Variants in ASTN2 observed in about 807,000 individuals in gnomAD.
ASTN2 encodes astrotactin-2.
ASTN2 carries 54 observed loss-of-function variants against 139.8 expected under a neutral mutation model. The ratio of observed to expected loss-of-function variants is 0.39; its 90% CI spans 0.31 to 0.48. The LOEUF (loss-of-function observed/expected upper bound fraction) is 0.48. Ranked by LOEUF, ASTN2 falls within the 20% of genes least tolerant of loss-of-function variation. ASTN2 has a pLI of 0.95. For synonymous variants in ASTN2, 756 were observed against 719.5 expected (o/e 1.05, Z -0.81); for missense variants, 1,565 against 1,725.1 (o/e 0.91, Z 1.64).
chr9:117,379,242 C>T (rs1830202744), intron 1 of ASTN2, among the ~76,000 whole-genome samples: 1 of 152,134 alleles, frequency 6.6e-6, no homozygotes, highest in Admixed American at 6.5e-5. Context: ...TGATATGCTT[C>T]CCCACCACGA....
intron 5 of ASTN2, among the ~76,000 whole-genome samples, chr9:117,060,772 G>A (rs1220894518): frequency 6.6e-6 from 1 of 151,964 alleles, no homozygotes; most frequent in Non-Finnish European, 1.5e-5. Flanking sequence ...GCAGGCACCT[G>A]TAGTCCCAGC....
At chr9:116,506,834 A>G (rs1255102994) in intron 19 of ASTN2, among the ~76,000 whole-genome samples, 1 of 152,188 alleles carries the variant, frequency 6.6e-6, no homozygotes, top group East Asian at 1.9e-4. Flanking sequence ...CTGACTCTTC[A>G]GCTCCCTGGA....
chr9:116,465,277 C>T (rs990341980), intron 20 of ASTN2, among the ~76,000 whole-genome samples: 6 of 152,162 alleles, frequency 3.9e-5, no homozygotes, highest in Non-Finnish European at 8.8e-5. Context: ...AGCCACCAAC[C>T]GGCTCCCTTT....
chr9:116,731,395 C>T (rs1828780289), intron 14 of ASTN2, among the ~76,000 whole-genome samples: 2 of 151,560 alleles, frequency 1.3e-5, no homozygotes, highest in Admixed American at 1.3e-4. Flanking sequence ...ATTATCATAC[C>T]CTATTTTTTT....
At chr9:117,121,345 C>T (rs1829553319) in intron 4 of ASTN2, among the ~76,000 whole-genome samples, 1 of 152,212 alleles carries the variant, frequency 6.6e-6, no homozygotes, top group African/African-American at 2.4e-5. Flanking sequence ...CGGGGGTTCA[C>T]TACATCAGTG....
At chr9:117,089,774 T>C (rs749136240) in intron 5 of ASTN2, among the ~76,000 whole-genome samples, 3 of 149,552 alleles carry the variant, frequency 2.0e-5, no homozygotes, top group Admixed American at 2.0e-4. Context: ...TGAGAACATA[T>C]GATGTTTGGT....
intron 4 of ASTN2, among the ~76,000 whole-genome samples, chr9:117,126,755 T>A (rs572064724): frequency 6.6e-6 from 1 of 152,354 alleles, no homozygotes; most frequent in African/African-American, 2.4e-5. Context: ...TCTGTAATTA[T>A]TATACTTGAA....
chr9:117,353,237 G>A (rs1587974472), intron 1 of ASTN2, among the ~76,000 whole-genome samples: 1 of 152,180 alleles, frequency 6.6e-6, no homozygotes, highest in East Asian at 1.9e-4. Flanking sequence ...ACAGCAATTT[G>A]AGACCTCACT....
chr9:117,227,555 A>G (rs1216060136), intron 2 of ASTN2, among the ~76,000 whole-genome samples: 1 of 152,208 alleles, frequency 6.6e-6, no homozygotes, highest in Non-Finnish European at 1.5e-5. Context: ...AGAATGGTTT[A>G]GTAGCTCCTC....
chr9:117,385,148 A>C (rs759084785), intron 1 of ASTN2, among the ~76,000 whole-genome samples: 1 of 152,188 alleles, frequency 6.6e-6, no homozygotes, highest in Non-Finnish European at 1.5e-5. Context: ...CACATGAATT[A>C]TAAGTACACA....
At chr9:116,460,831 G>C (rs1848464908) in intron 20 of ASTN2, among the ~76,000 whole-genome samples, 1 of 152,072 alleles carries the variant, frequency 6.6e-6, no homozygotes, top group African/African-American at 2.4e-5. Context: ...AGTTCCATCT[G>C]CCACACTGGG....
intron 11 of ASTN2, among the ~76,000 whole-genome samples, chr9:116,851,443 T>A (rs1050047319): frequency 2.6e-5 from 4 of 151,806 alleles, no homozygotes; most frequent in Admixed American, 1.3e-4. Context: ...TTTTTCTATA[T>A]ATTATATTGC....
intron 5 of ASTN2, among the ~76,000 whole-genome samples, chr9:117,066,450 G>A (rs2132698335): frequency 6.8e-6 from 1 of 147,474 alleles, no homozygotes; most frequent in South Asian, 2.3e-4. Flanking sequence ...CCAAGTCTTT[G>A]CTATTGTGAA....
intron 17 of ASTN2, among the ~76,000 whole-genome samples, chr9:116,632,707 C>T (rs1856868736): frequency 6.6e-6 from 1 of 152,144 alleles, no homozygotes; most frequent in Non-Finnish European, 1.5e-5. Flanking sequence ...TATCTTTAAT[C>T]AAATTGTACT....
At chr9:116,595,025 GA>G (rs1854510077) in intron 19 of ASTN2, among the ~76,000 whole-genome samples, 1 of 152,186 alleles carries the variant, frequency 6.6e-6, no homozygotes, top group African/African-American at 2.4e-5. Context: ...TAGGGATAAA[GA>G]GCAGAATTTC....
chr9:116,664,824 A>C (rs1858767890), intron 16 of ASTN2, among the ~76,000 whole-genome samples: 1 of 152,134 alleles, frequency 6.6e-6, no homozygotes, highest in East Asian at 1.9e-4. Context: ...ATCTAGACTT[A>C]ATGGTCTTAT....
chr9:116,997,813 G>A (rs969016288), intron 7 of ASTN2, among the ~76,000 whole-genome samples: 35 of 152,148 alleles, frequency 2.3e-4, no homozygotes, highest in African/African-American at 7.7e-4. Flanking sequence ...CACAATAAGT[G>A]CCTAATAATT....
intron 1 of ASTN2, among the ~76,000 whole-genome samples, chr9:117,313,102 C>A (rs1196118139): frequency 2.0e-5 from 3 of 152,226 alleles, no homozygotes; most frequent in African/African-American, 7.2e-5. Context: ...AATCCTCACT[C>A]ATTAGAGCAC....
chr9:116,563,533 T>C (rs1002848859), intron 19 of ASTN2, among the ~76,000 whole-genome samples: 1 of 152,190 alleles, frequency 6.6e-6, no homozygotes, highest in African/African-American at 2.4e-5. Context: ...GGTCTTGCAC[T>C]TGCTATTCCC....
Sources: gnomAD v4.1 joint callset for allele counts (sites outside exome capture counted in the v4.1 genomes callset) on GRCh38, gnomAD v4.1.1 for gene constraint, MANE v1.5 for transcripts, NCBI Gene and HGNC (gene_info 2026-07-23, HGNC 2026-07-21) for gene names.